SCAF8: variants seen among roughly 807,000 people sequenced by gnomAD.
SCAF8 encodes SR-related and CTD-associated factor 8.
In SCAF8, 23 loss-of-function variants were observed where a neutral mutation model predicts 140.5. The observed-to-expected ratio is 0.16, with a 90% CI of 0.12 to 0.23. SCAF8 has a LOEUF of 0.23. Ranked by LOEUF, SCAF8 falls within the 10% of genes least tolerant of loss-of-function variation. The probability of loss-of-function intolerance (pLI) is 1.00; values close to 1 mark genes in which losing one functional copy is unlikely to be tolerated. For synonymous variants in SCAF8, 575 were observed against 528.9 expected (o/e 1.09, Z -1.20); for missense variants, 1,397 against 1,555.7 (o/e 0.90, Z 1.72).
intron 1 of SCAF8, among the ~76,000 whole-genome samples, chr6:154,736,063 C>T (rs572081948): frequency 3.6e-4 from 54 of 152,038 alleles, no homozygotes; most frequent in Admixed American, 6.5e-4. Context: ...TGGGCCCAAG[C>T]GGTCCTTTCA....
chr6:154,798,019 T>C (rs963648840), intron 6 of SCAF8, among the ~76,000 whole-genome samples: 4 of 151,430 alleles, frequency 2.6e-5, no homozygotes, highest in Admixed American at 6.6e-5. Flanking sequence ...TATCACTTCA[T>C]TGGTTGTTTT....
At chr6:154,770,618 C>T (rs1189013146) in intron 1 of SCAF8, among the ~76,000 whole-genome samples, 2 of 152,050 alleles carry the variant, frequency 1.3e-5, no homozygotes, top group African/African-American at 4.8e-5. Context: ...GTGATGGGAT[C>T]CTAATTCTTG....
chr6:154,747,432 T>G lies in SCAF8; in HGVS notation c.30+13502T>G, dbSNP rs149202435. On this transcript the variant is annotated intron_variant, in intron 1 of 19. Coordinates refer to ENST00000367178, the MANE Select transcript of SCAF8 (RefSeq NM_014892.5). Reference sequence around the variant, plus strand: ...CCAGCTACTTGGGAGGATTGCTTAATCCAGGGAGGTGGAGGTTGCAGTGAG... The same window carrying G: ...CCAGCTACTTGGGAGGATTGCTTAAGCCAGGGAGGTGGAGGTTGCAGTGAG... 4.2e-3 allele frequency among the ~76,000 whole-genome samples: 640 copies of G among 152,190 alleles called. 5 individuals are homozygous for G. The highest frequency in any genetic ancestry group is 0.014 in the African/African-American group (582 of 41,544).
chr6:154,764,779 C>T (rs1448054573), intron 1 of SCAF8, among the ~76,000 whole-genome samples: 1 of 152,152 alleles, frequency 6.6e-6, no homozygotes, highest in African/African-American at 2.4e-5. Flanking sequence ...AAAGTAAGGT[C>T]CCAGAATCAG....
chr6:154,812,199 TAAATAGG>T (rs1778113070), intron 12 of SCAF8, among the ~76,000 whole-genome samples: 3 of 125,408 alleles, frequency 2.4e-5, no homozygotes, highest in Non-Finnish European at 4.7e-5. Flanking sequence ...TTTTTTTTTT[TAAATAGG>T]TTGAAGGGTT....
At chr6:154,739,148 C>G (rs1778503641) in intron 1 of SCAF8, among the ~76,000 whole-genome samples, 1 of 152,008 alleles carries the variant, frequency 6.6e-6, no homozygotes, top group Non-Finnish European at 1.5e-5. Flanking sequence ...ACTATGCACA[C>G]CTAATTTTTA....
intron 9 of SCAF8, 70 bp downstream of exon 9, chr6:154,805,556 G>T: frequency 1.3e-6 from 1 of 772,058 alleles, no homozygotes; most frequent in Admixed American, 2.8e-5. Flanking sequence ...ATTTTTGTGG[G>T]TTGGCTTTTT....
At chr6:154,745,839 A>G (rs1398623322) in intron 1 of SCAF8, among the ~76,000 whole-genome samples, 1 of 151,996 alleles carries the variant, frequency 6.6e-6, no homozygotes, top group African/African-American at 2.4e-5. Context: ...ATTTATATAT[A>G]TAGGTGTATA....
At chr6:154,757,314 C>A (rs1778991355) in intron 1 of SCAF8, among the ~76,000 whole-genome samples, 1 of 152,044 alleles carries the variant, frequency 6.6e-6, no homozygotes. Context: ...ACTTTTTATA[C>A]CTATGAATAT....
In SCAF8 at chr6:154,792,846, C is replaced by T. The variant is rs759837329; in HGVS notation, c.345C>T (p.Asn115=). Residue 115 remains asparagine, a synonymous_variant, in exon 5 of 20, where the codon AAC becomes AAT. Transcript: ENST00000367178. ...DDKSKIVRVL[N]LWQKNNVFKS... is the part of the protein sequence containing the mutation. Reference sequence around the variant, plus strand: ...AGAGTAAAATAGTGAGAGTACTAAACTTATGGCAGAAGAATAATGTATTTA... The same window carrying T: ...AGAGTAAAATAGTGAGAGTACTAAATTTATGGCAGAAGAATAATGTATTTA... 6.2e-7 allele frequency: 1 copy of T among 1,609,596 alleles called. No individual in the cohort carries two copies. Among genetic ancestry groups the T allele is most frequent in the Non-Finnish European group, 8.5e-7 (1 of 1,178,072 alleles).
intron 13 of SCAF8, among the ~76,000 whole-genome samples, chr6:154,818,141 G>A (rs1350423977): frequency 6.6e-6 from 1 of 152,012 alleles, no homozygotes; most frequent in Admixed American, 6.5e-5. Context: ...TTTATCTGGT[G>A]GTATTATGTA....
intron 11 of SCAF8, 46 bp downstream of exon 11, chr6:154,808,844 G>A (rs781103023): frequency 1.5e-6 from 2 of 1,290,688 alleles, no homozygotes; most frequent in East Asian, 2.3e-5. Flanking sequence ...ACTTTAAAAT[G>A]TTGGCTTTAT....
intron 17 of SCAF8, chr6:154,825,169 T>G (rs566518178): frequency 6.6e-6 from 1 of 152,308 alleles, no homozygotes; most frequent in Non-Finnish European, 1.5e-5. Flanking sequence ...TAAATTATTT[T>G]TATTCTTTAA....
intron 3 of SCAF8, among the ~76,000 whole-genome samples, chr6:154,784,554 A>G (rs1409671134): frequency 6.6e-6 from 1 of 152,116 alleles, no homozygotes; most frequent in Non-Finnish European, 1.5e-5. Context: ...AAATTTGGGG[A>G]AAAAATATTC....
intron 1 of SCAF8, among the ~76,000 whole-genome samples, chr6:154,737,720 T>G (rs932819019): frequency 6.6e-6 from 1 of 152,012 alleles, no homozygotes; most frequent in Admixed American, 6.6e-5. Flanking sequence ...AGACAGGTAC[T>G]CGCTGTTGAC....
At chr6:154,807,431 G>T (rs1031456202) in intron 9 of SCAF8, among the ~76,000 whole-genome samples, 2 of 152,186 alleles carry the variant, frequency 1.3e-5, no homozygotes, top group African/African-American at 4.8e-5. Context: ...ACCTATGAGA[G>T]ATTTAGAATG....
In SCAF8 at chr6:154,817,116, C is replaced by CTAGTGATT. The variant is rs558314505; in HGVS notation, c.1521+1300_1521+1301insTAGTGATT. Among the ~76,000 whole-genome samples the CTAGTGATT allele has an allele frequency of 6.9e-3, 1,055 of 152,244 alleles. 16 individuals carry two copies. Among genetic ancestry groups the CTAGTGATT allele is most frequent in the African/African-American group, 0.024 (1,008 of 41,540 alleles). On this transcript the variant is annotated intron_variant, in intron 13 of 19. Transcript: ENST00000367178. ...CTCTGAAGTTTCTTTCTGATTTACC[C>CTAGTGATT]CTACCTTTAAACTAGTGATTCTCAG...
chr6:154,760,519 A>G (rs1449013405), intron 1 of SCAF8, among the ~76,000 whole-genome samples: 3 of 152,192 alleles, frequency 2.0e-5, no homozygotes, highest in African/African-American at 4.8e-5. Flanking sequence ...TGAGAAATAC[A>G]TACAGTATCG....
intron 1 of SCAF8, among the ~76,000 whole-genome samples, chr6:154,750,969 A>C (rs1383516580): frequency 2.0e-5 from 3 of 152,330 alleles, no homozygotes; most frequent in South Asian, 4.1e-4. Context: ...AAGACATGGG[A>C]ATGAATTGAA....
Sources: gnomAD v4.1 joint callset for allele counts (sites outside exome capture counted in the v4.1 genomes callset) on GRCh38, gnomAD v4.1.1 for gene constraint, MANE v1.5 for transcripts, NCBI Gene and HGNC (gene_info 2026-07-23, HGNC 2026-07-21) for gene names.